VPS13B: variants seen among roughly 807,000 people sequenced by gnomAD.
VPS13B encodes intermembrane lipid transfer protein VPS13B.
VPS13B carries 285 observed loss-of-function variants against 426.4 expected under a neutral mutation model. That is an observed-to-expected ratio of 0.67 (90% CI 0.61 to 0.74). The LOEUF is 0.74. Ranked by LOEUF, VPS13B falls within the 30% of genes least tolerant of loss-of-function variation. The probability of loss-of-function intolerance (pLI) is 0.00; values close to 1 mark genes in which losing one functional copy is unlikely to be tolerated. For missense variants in VPS13B, 4,537 were observed against 4,782.6 expected, an observed-to-expected ratio of 0.95 and a Z score of 1.51; for synonymous variants, 1,676 against 1,676.4, an observed-to-expected ratio of 1.00 and a Z score of 0.01.
At chr8:99,730,152 G>A (rs1239508661) in intron 39 of VPS13B, among the ~76,000 whole-genome samples, 1 of 152,132 alleles carries the variant, frequency 6.6e-6, no homozygotes, top group Admixed American at 6.5e-5. Context: ...AGCACCTCCT[G>A]CCCACTGGCA....
chr8:99,169,971 C>T (rs370067487), intron 15 of VPS13B, 68 bp from the exon 16 acceptor site: 466 of 1,580,926 alleles, frequency 2.9e-4, no homozygotes, highest in African/African-American at 1.1e-3. Context: ...TTGAAACTGA[C>T]GTATTTCATC....
chr8:99,067,962 T>C (rs963651481), intron 3 of VPS13B, among the ~76,000 whole-genome samples: 2 of 152,240 alleles, frequency 1.3e-5, no homozygotes, highest in African/African-American at 4.8e-5. Context: ...CATGACACTT[T>C]TAGATATTTA....
chr8:99,666,426 C>T (rs1379577219), intron 35 of VPS13B, among the ~76,000 whole-genome samples: 5 of 152,060 alleles, frequency 3.3e-5, no homozygotes, highest in Admixed American at 6.6e-5. Flanking sequence ...ACTGGCAAAC[C>T]GAATCCAGCA....
chr8:99,517,424 C>A (rs1403922058), intron 29 of VPS13B, among the ~76,000 whole-genome samples: 1 of 151,956 alleles, frequency 6.6e-6, no homozygotes, highest in South Asian at 2.1e-4. Flanking sequence ...CTCTCTTGCC[C>A]CAAGAAAAGA....
At chr8:99,581,481 G>C (rs1458070719) in intron 33 of VPS13B, among the ~76,000 whole-genome samples, 1 of 152,050 alleles carries the variant, frequency 6.6e-6, no homozygotes, top group Admixed American at 6.6e-5. Context: ...TTTTAGATGG[G>C]GTGAGGCCAC....
chr8:99,333,132 A>G (rs906007628), intron 19 of VPS13B, among the ~76,000 whole-genome samples: 5 of 151,688 alleles, frequency 3.3e-5, no homozygotes, highest in Non-Finnish European at 4.4e-5. Flanking sequence ...TGTAGAGTTT[A>G]TATATTTTAG....
intron 23 of VPS13B, among the ~76,000 whole-genome samples, chr8:99,466,718 C>T (rs966800406): frequency 6.6e-6 from 1 of 152,118 alleles, no homozygotes; most frequent in African/African-American, 2.4e-5. Flanking sequence ...ATCTAGGGAA[C>T]ATATCAAAAT....
At chr8:99,237,093 T>G (rs1816691444) in intron 17 of VPS13B, among the ~76,000 whole-genome samples, 1 of 152,216 alleles carries the variant, frequency 6.6e-6, no homozygotes. Flanking sequence ...ATGTAAGATG[T>G]GACTTGCTCC....
At chr8:99,311,173 G>A (rs1158940626) in intron 19 of VPS13B, among the ~76,000 whole-genome samples, 6 of 152,078 alleles carry the variant, frequency 3.9e-5, no homozygotes, top group Admixed American at 6.6e-5. Context: ...ATTTCCTTCA[G>A]TTCTGCTCTG....
At chr8:99,114,950 T>G (rs947844291) in intron 6 of VPS13B, among the ~76,000 whole-genome samples, 2 of 152,216 alleles carry the variant, frequency 1.3e-5, no homozygotes, top group African/African-American at 4.8e-5. Flanking sequence ...TGTCTCTTTC[T>G]TTAAGGAGAG....
At chr8:99,464,409 G>T (rs1818998072) in intron 23 of VPS13B, among the ~76,000 whole-genome samples, 1 of 152,050 alleles carries the variant, frequency 6.6e-6, no homozygotes, top group Non-Finnish European at 1.5e-5. Context: ...TTTTTGAAAG[G>T]AAAAGACTGA....
intron 27 of VPS13B, among the ~76,000 whole-genome samples, chr8:99,506,913 T>G (rs1458993162): frequency 6.6e-6 from 1 of 152,210 alleles, no homozygotes; most frequent in African/African-American, 2.4e-5. Context: ...AAGTAAATAA[T>G]CAGCCAAATA....
chr8:99,811,068 C>T (rs1393047588), intron 44 of VPS13B, among the ~76,000 whole-genome samples: 1 of 152,164 alleles, frequency 6.6e-6, no homozygotes, highest in Non-Finnish European at 1.5e-5. Context: ...GATTCTGTCA[C>T]TCATGGTCTT....
intron 39 of VPS13B, among the ~76,000 whole-genome samples, chr8:99,744,648 T>G (rs1353781840): frequency 1.3e-5 from 2 of 152,144 alleles, no homozygotes; most frequent in East Asian, 1.9e-4. Flanking sequence ...CCATAAAAAA[T>G]GATGAGTTCA....
intron 33 of VPS13B, among the ~76,000 whole-genome samples, chr8:99,615,191 G>T (rs993627076): frequency 6.7e-6 from 1 of 149,962 alleles, no homozygotes. Context: ...TCTAAAATTT[G>T]CCTTTGTTTC....
chr8:99,731,428 G>A (rs1833595838), intron 39 of VPS13B, among the ~76,000 whole-genome samples: 1 of 152,158 alleles, frequency 6.6e-6, no homozygotes. Context: ...AGTAAAACCA[G>A]GATTCAAATC....
chr8:99,353,403 A>G (rs1230571485), intron 19 of VPS13B, among the ~76,000 whole-genome samples: 1 of 152,212 alleles, frequency 6.6e-6, no homozygotes, highest in Non-Finnish European at 1.5e-5. Flanking sequence ...GTGGTGAAAC[A>G]TTTAACCATG....
At chr8:99,063,483 G>A (rs1478745534) in intron 3 of VPS13B, among the ~76,000 whole-genome samples, 1 of 152,238 alleles carries the variant, frequency 6.6e-6, no homozygotes, top group African/African-American at 2.4e-5. Flanking sequence ...GCAGCAGTCT[G>A]AGATCGACCT....
intron 3 of VPS13B, among the ~76,000 whole-genome samples, chr8:99,043,408 A>G (rs998495680): frequency 6.6e-6 from 1 of 152,160 alleles, no homozygotes; most frequent in Non-Finnish European, 1.5e-5. Flanking sequence ...TAGGAGGCCT[A>G]CAAGAGAGGT....
Sources: allele counts gnomAD v4.1 joint callset (sites outside exome capture counted in the v4.1 genomes callset), GRCh38; gene constraint gnomAD v4.1.1; transcripts MANE v1.5; gene names NCBI Gene and HGNC (gene_info 2026-07-23, HGNC 2026-07-21).